FCRL1: variants seen among roughly 807,000 people sequenced by gnomAD.
The protein encoded by FCRL1 is Fc receptor like 1.
A neutral mutation model predicts 49.2 loss-of-function variants in FCRL1; 34 were observed. The ratio of observed to expected loss-of-function variants is 0.69; its 90% CI spans 0.53 to 0.92. FCRL1 has a LOEUF of 0.92. FCRL1 is among the 40% of genes least tolerant of loss of function. The pLI, the probability that FCRL1 is intolerant of heterozygous loss-of-function variation, is 0.00. For missense variants in FCRL1, 524 were observed against 524.1 expected (o/e 1.00, Z 0.00); for synonymous variants, 218 against 201.6 (o/e 1.08, Z -0.69).
intron 1 of FCRL1, among the ~76,000 whole-genome samples, chr1:157,815,785 A>T (rs1047283863): frequency 6.6e-6 from 1 of 151,972 alleles, no homozygotes; most frequent in African/African-American, 2.4e-5. Flanking sequence ...GACATCACAG[A>T]TTATAAAGGA....
At chr1:157,819,856 C>A in intron 1 of FCRL1, 151 bp downstream of exon 1, 1 of 811,472 alleles carries the variant, frequency 1.2e-6, no homozygotes, top group South Asian at 2.1e-5. Flanking sequence ...AACTTTTTGC[C>A]TGACTCTGAG....
At chr1:157,801,435 A>C (rs1232003309) in intron 6 of FCRL1, 26 bp downstream of exon 6, 2 of 1,413,578 alleles carry the variant, frequency 1.4e-6, no homozygotes, top group Non-Finnish European at 2.0e-6. Context: ...CACAGTAACA[A>C]AATGCCACTC....
At chr1:157,807,864 C>A (rs1276621973) in intron 1 of FCRL1, among the ~76,000 whole-genome samples, 1 of 152,174 alleles carries the variant, frequency 6.6e-6, no homozygotes, top group African/African-American at 2.4e-5. Context: ...CCTCTCTGTG[C>A]TTTAGTTTCC....
chr1:157,809,240 G>A (rs888228307), intron 1 of FCRL1, among the ~76,000 whole-genome samples: 1 of 152,082 alleles, frequency 6.6e-6, no homozygotes, highest in Non-Finnish European at 1.5e-5. Context: ...CAACTTTGAG[G>A]ATGTCCAACA....
Position 157,802,584 on chromosome 1 carries a change from A to G in FCRL1, c.400T>C (p.Cys134Arg). The G allele has an allele frequency of 6.2e-7, 1 of 1,614,230 alleles. No homozygotes were observed. Among genetic ancestry groups the G allele is most frequent in the South Asian group, 1.1e-5 (1 of 91,086 alleles). Residue 134 changes from cysteine to arginine, a missense_variant, in exon 4 of 11, where the codon TGC becomes CGC. Cys to Arg is a radical substitution (Grantham distance 180). Transcript: ENST00000368176. ...VMEGDRLVLI[C>R]SVAMGTGDIT... ...TCTCCTGTGCCCATAGCAACTGAGCAGATGAGGACCAGCCTGTCTCCCTCC... is the reference window on the plus strand; with the variant it reads ...TCTCCTGTGCCCATAGCAACTGAGCGGATGAGGACCAGCCTGTCTCCCTCC...
intron 1 of FCRL1, among the ~76,000 whole-genome samples, chr1:157,808,409 C>T (rs1208115126): frequency 6.6e-6 from 1 of 152,112 alleles, no homozygotes; most frequent in Admixed American, 6.5e-5. Context: ...GGAAACAAGC[C>T]TTCTGAATAT....
Position 157,796,098 on chromosome 1 carries a change from C to G in FCRL1, c.*1G>C, listed in dbSNP as rs1245417407. ...TTCAAAGAGCAGAATCTTCCATAACCTTACATAGCATCTTCATAGTCCACA... is the reference window on the plus strand; with the variant it reads ...TTCAAAGAGCAGAATCTTCCATAACGTTACATAGCATCTTCATAGTCCACA... On this transcript the variant is annotated 3_prime_UTR_variant, in exon 11 of 11. Transcript: ENST00000368176. 1 of 1,613,448 alleles carries G rather than the reference C, an allele frequency of 6.2e-7. No homozygotes were observed. Among genetic ancestry groups the G allele is most frequent in the African/African-American group, 1.3e-5 (1 of 74,998 alleles).
chr1:157,798,115 T>G (rs776887430), intron 8 of FCRL1, 46 bp downstream of exon 8: 6 of 1,577,080 alleles, frequency 3.8e-6, no homozygotes, highest in Non-Finnish European at 5.2e-6. Flanking sequence ...GTCCCTTCCC[T>G]AGCTTGCTGT....
At chr1:157,814,478 A>C (rs748280710) in intron 1 of FCRL1, among the ~76,000 whole-genome samples, 3 of 152,050 alleles carry the variant, frequency 2.0e-5, no homozygotes, top group Non-Finnish European at 4.4e-5. Context: ...AATGGGAGAG[A>C]GAAAGGAATC....
Position 157,802,529 on chromosome 1 carries a change from A to G in FCRL1, c.455T>C (p.Val152Ala), listed in dbSNP as rs776235878. 2 of 1,614,216 alleles carry G rather than the reference A, an allele frequency of 1.2e-6. No individual in the cohort carries two copies. Among genetic ancestry groups the G allele is most frequent in the African/African-American group, 1.3e-5 (1 of 75,042 alleles). ...GGTCTTTGACTGAAGGTTTAAACCTACAGCCCCTTTGTACCAAAGGAAGGT... is the reference window on the plus strand; with the variant it reads ...GGTCTTTGACTGAAGGTTTAAACCTGCAGCCCCTTTGTACCAAAGGAAGGT... ...DITFLWYKGA[V>A]GLNLQSKTQR... Residue 152 changes from valine (V) to alanine (A), a missense_variant, in exon 4 of 11, where the codon GTA (valine) becomes GCA (alanine). Transcript: ENST00000368176.
intron 1 of FCRL1, among the ~76,000 whole-genome samples, chr1:157,818,729 A>G (rs754938520): frequency 5.9e-5 from 9 of 152,250 alleles, no homozygotes; most frequent in Non-Finnish European, 1.2e-4. Context: ...ACATTCTGAA[A>G]TTGATTGTGG....
At position 157,801,512 on chromosome 1, in the gene FCRL1, C is replaced by T. The variant is rs2101834456; in HGVS notation, c.952G>A (p.Gly318Ser). The change falls in exon 6 of 11, where the codon GGT becomes AGT. Residue 318 changes from glycine to serine, a missense_variant. Coordinates refer to ENST00000368176, the MANE Select transcript of FCRL1 (RefSeq NM_052938.5). ...AATAATAAGGCCACGGTGGCTGGAC[C>T]AAGGGTGCTGAGCAGCCCCTCAATG... ...GVIEGLLSTL[G>S]PATVALLFCY... 1 of 1,614,020 alleles carries T rather than the reference C, an allele frequency of 6.2e-7. No individual in the cohort carries two copies. The highest frequency in any genetic ancestry group is 8.5e-7 in the Non-Finnish European group (1 of 1,179,986).
At chr1:157,817,207 A>G (rs1191864453) in intron 1 of FCRL1, among the ~76,000 whole-genome samples, 1 of 151,966 alleles carries the variant, frequency 6.6e-6, no homozygotes, top group Non-Finnish European at 1.5e-5. Context: ...AAAACCCTGA[A>G]TAGCCCAAAC....
chr1:157,812,863 C>T lies in FCRL1; in HGVS notation c.32-5741G>A, dbSNP rs192685582. Among the ~76,000 whole-genome samples, 149 of 152,242 alleles carry T rather than the reference C, an allele frequency of 9.8e-4. 1 individual carries two copies. Among genetic ancestry groups the T allele is most frequent in the African/African-American group, 3.5e-3 (144 of 41,546 alleles). ...AAGACACCCTCTCAGGTATGATGGT[C>T]TATGAGGAAAAGAACAGGAAGATCC... On this transcript the variant is annotated intron_variant, in intron 1 of 10. Coordinates refer to ENST00000368176, the MANE Select transcript of FCRL1 (RefSeq NM_052938.5).
At chr1:157,805,755 C>T (rs1055887110) in intron 2 of FCRL1, among the ~76,000 whole-genome samples, 4 of 152,058 alleles carry the variant, frequency 2.6e-5, no homozygotes, top group Non-Finnish European at 2.9e-5. Flanking sequence ...ATTAGCCAGG[C>T]GTGGTGGCAT....
chr1:157,815,958 T>C (rs1444180076), intron 1 of FCRL1, among the ~76,000 whole-genome samples: 5 of 151,866 alleles, frequency 3.3e-5, no homozygotes, highest in Non-Finnish European at 7.4e-5. Flanking sequence ...CAATCAGTAA[T>C]AAAAAGTCTT....
Position 157,797,104 on chromosome 1 carries a change from G to A in FCRL1, c.1215C>T (p.Asp405=), listed in dbSNP as rs1401214975. 1 of 1,613,602 alleles carries A rather than the reference G, an allele frequency of 6.2e-7. No individual in the cohort carries two copies. Among genetic ancestry groups the A allele is most frequent in the Non-Finnish European group, 8.5e-7 (1 of 1,179,668 alleles). The change falls in exon 10 of 11, where the codon GAC becomes GAT. Residue 405 remains aspartate, a synonymous_variant. Transcript: ENST00000368176. ...AAAGAACAATAGAGACTCTTACCTT[G>A]TCCTCCATATGTGTCCCCAGGGTTT... ...AAETLGTHME[D]KVSLDIYSRL...
At chr1:157,798,449 G>A (rs561573790) in intron 7 of FCRL1, among the ~76,000 whole-genome samples, 2 of 152,124 alleles carry the variant, frequency 1.3e-5, no homozygotes, top group South Asian at 4.1e-4. Context: ...ATGCACCAGC[G>A]GGTAACTCCA....
rs1241233841 is a variant in FCRL1 at position 157,796,177 on chromosome 1, G to T, written c.1219-7C>A. 1 of 1,613,046 alleles carries T rather than the reference G, an allele frequency of 6.2e-7. No individual in the cohort carries two copies. Among genetic ancestry groups the T allele is most frequent in the Non-Finnish European group, 8.5e-7 (1 of 1,179,096 alleles). ...AATAGATGTCTAAGGAAACCTGGAA[G>T]CAAAGATTAGGACTAGAGCAGGGAA... On this transcript the variant is annotated splice_region_variant and splice_polypyrimidine_tract_variant and intron_variant, in intron 10 of 10. Transcript: ENST00000368176.
Sources: allele counts gnomAD v4.1 joint callset (sites outside exome capture counted in the v4.1 genomes callset), GRCh38; gene constraint gnomAD v4.1.1; transcripts MANE v1.5; gene names NCBI Gene and HGNC (gene_info 2026-07-23, HGNC 2026-07-21).